OLFM3: variants seen among roughly 807,000 people sequenced by gnomAD.
OLFM3 encodes olfactomedin 3, also known as noelin-3.
OLFM3 carries 20 observed loss-of-function variants against 48.6 expected under a neutral mutation model. The observed-to-expected ratio is 0.41, with a 90% CI of 0.29 to 0.60. The LOEUF (loss-of-function observed/expected upper bound fraction) is 0.60, where lower values mean the gene tolerates loss of function less well. OLFM3 is among the 20% of genes least tolerant of loss of function. The pLI is 0.28. For synonymous variants in OLFM3, 222 were observed against 198.1 expected (o/e 1.12, Z -1.01); for missense variants, 437 against 544.3 (o/e 0.80, Z 1.96).
At chr1:101,845,933 C>G (rs1570556137) in intron 1 of OLFM3, among the ~76,000 whole-genome samples, 1 of 152,190 alleles carries the variant, frequency 6.6e-6, no homozygotes, top group Non-Finnish European at 1.5e-5. Flanking sequence ...CTTTCCATAT[C>G]TGACTTTTTC....
At chr1:101,989,830 C>A (rs1489075651) in intron 1 of OLFM3, among the ~76,000 whole-genome samples, 1 of 152,112 alleles carries the variant, frequency 6.6e-6, no homozygotes, top group African/African-American at 2.4e-5. Context: ...AATTATATTC[C>A]TAAATGCGGT....
intron 1 of OLFM3, among the ~76,000 whole-genome samples, chr1:101,952,869 A>C (rs1387329046): frequency 6.6e-6 from 1 of 151,936 alleles, no homozygotes; most frequent in Non-Finnish European, 1.5e-5. Context: ...GAGACTGACT[A>C]CTCTCATGAT....
At chr1:101,898,712 C>T (rs764644485) in intron 1 of OLFM3, among the ~76,000 whole-genome samples, 6 of 151,824 alleles carry the variant, frequency 4.0e-5, no homozygotes, top group Non-Finnish European at 8.8e-5. Context: ...AGTCAGGCAT[C>T]GTGACATGTG....
intron 1 of OLFM3, among the ~76,000 whole-genome samples, chr1:101,884,512 A>G (rs549531991): frequency 6.6e-6 from 1 of 151,950 alleles, no homozygotes; most frequent in Non-Finnish European, 1.5e-5. Flanking sequence ...ACAAAAAAAA[A>G]CAGACAAAAA....
At chr1:101,844,590 A>G (rs887660614) in intron 1 of OLFM3, among the ~76,000 whole-genome samples, 21 of 152,146 alleles carry the variant, frequency 1.4e-4, no homozygotes, top group African/African-American at 4.1e-4. Flanking sequence ...ATGAGGCTGA[A>G]TTAGATCAGT....
At position 101,804,241 on chromosome 1, in the gene OLFM3, T is replaced by C; in HGVS notation, c.1374A>G (p.Thr458=). ...LFHIIKTEDD[T] is the part of the protein sequence containing the mutation. ...AATGAAAACATGTCACATTTGCCTA[T>C]GTGTCATCCTCTGTCTTGATGATAT... The change falls in exon 6 of 6, where the codon ACA becomes ACG. Residue 458 remains threonine, a synonymous_variant. Coordinates refer to ENST00000370103, the MANE Select transcript of OLFM3 (RefSeq NM_058170.4). This position sits in a 1 kb window ranked among gnomAD's most constrained non-coding sequence, Gnocchi z 4.5. 6.3e-7 allele frequency: 1 copy of C among 1,575,494 alleles called. No homozygotes were observed.
chr1:101,917,647 C>T (rs1439338911), intron 1 of OLFM3, among the ~76,000 whole-genome samples: 1 of 152,150 alleles, frequency 6.6e-6, no homozygotes, highest in African/African-American at 2.4e-5. Flanking sequence ...AAACTCCTGA[C>T]CTCAAGTGAT....
chr1:101,918,846 A>G (rs1659006924), intron 1 of OLFM3, among the ~76,000 whole-genome samples: 1 of 152,212 alleles, frequency 6.6e-6, no homozygotes, highest in Non-Finnish European at 1.5e-5. Context: ...TCCAATATTT[A>G]AGTTGTTTTA....
At chr1:101,808,263 GA>G (rs560490130) in intron 4 of OLFM3, among the ~76,000 whole-genome samples, 1 of 150,884 alleles carries the variant, frequency 6.6e-6, no homozygotes, top group African/African-American at 2.4e-5. Context: ...AACATGAGGG[GA>G]AAAAAACAAA....
At chr1:101,859,671 C>T (rs551743070) in intron 1 of OLFM3, among the ~76,000 whole-genome samples, 1 of 152,182 alleles carries the variant, frequency 6.6e-6, no homozygotes, top group African/African-American at 2.4e-5. Context: ...TGTTGGTATT[C>T]AAAATGTTTT....
In OLFM3 at chr1:101,835,841, C is replaced by A. The variant is rs560745063; in HGVS notation, c.216+1038G>T. Among the ~76,000 whole-genome samples, 4 of 152,240 alleles carry A rather than the reference C, an allele frequency of 2.6e-5. No individual in the cohort carries two copies. The South Asian group carries it at 8.3e-4, about 32-fold the overall frequency. On this transcript the variant is annotated intron_variant, in intron 2 of 5. Coordinates refer to ENST00000370103, the MANE Select transcript of OLFM3 (RefSeq NM_058170.4). The stretch of plus-strand genomic sequence containing the variant: ...TAAGCACATGAAAAAATCCTAAAAT[C>A]TTAGAGCATCAATATACTTGCAAAT...
intron 1 of OLFM3, among the ~76,000 whole-genome samples, chr1:101,913,728 G>T (rs765590893): frequency 6.7e-6 from 1 of 149,168 alleles, no homozygotes; most frequent in Admixed American, 6.7e-5. Flanking sequence ...CTGTCAAAAA[G>T]ACTGATATCC....
intron 1 of OLFM3, among the ~76,000 whole-genome samples, chr1:101,968,428 A>T (rs17125874): frequency 0.027 from 4,137 of 150,864 alleles, 73 homozygotes; most frequent in Admixed American, 0.035. Flanking sequence ...TTTAGTCCAT[A>T]GTGTAGATGA....
intron 1 of OLFM3, among the ~76,000 whole-genome samples, chr1:101,907,448 C>A (rs1658589570): frequency 6.6e-6 from 1 of 152,192 alleles, no homozygotes; most frequent in Non-Finnish European, 1.5e-5. Context: ...CTTACTTGAT[C>A]TTATCTGTGC....
chr1:101,938,887 G>C (rs1192772713), intron 1 of OLFM3, among the ~76,000 whole-genome samples: 1 of 152,156 alleles, frequency 6.6e-6, no homozygotes, highest in Non-Finnish European at 1.5e-5. Context: ...ATCCCAGATG[G>C]TTTGTGTGTC....
chr1:101,959,427 T>C (rs1467069890), intron 1 of OLFM3, among the ~76,000 whole-genome samples: 1 of 151,946 alleles, frequency 6.6e-6, no homozygotes, highest in Non-Finnish European at 1.5e-5. Flanking sequence ...GGCCCACAAC[T>C]TGAGTGCATT....
chr1:101,982,280 A>T (rs1661125261), intron 1 of OLFM3, among the ~76,000 whole-genome samples: 1 of 152,190 alleles, frequency 6.6e-6, no homozygotes, highest in Admixed American at 6.5e-5. Flanking sequence ...AAGCAGAGAC[A>T]ATCACAATGA....
At chr1:101,860,511 TTA>T (rs1656608159) in intron 1 of OLFM3, among the ~76,000 whole-genome samples, 1 of 152,034 alleles carries the variant, frequency 6.6e-6, no homozygotes. Context: ...AGACCCTCTT[TTA>T]TTCTTTTGAT....
intron 1 of OLFM3, among the ~76,000 whole-genome samples, chr1:101,977,959 T>C (rs1661000871): frequency 1.3e-5 from 2 of 152,202 alleles, no homozygotes; most frequent in South Asian, 4.1e-4. Flanking sequence ...TCATGTAAAG[T>C]TGAGTAAGAT....
Sources: gnomAD v4.1 joint callset for allele counts (sites outside exome capture counted in the v4.1 genomes callset) on GRCh38, gnomAD v4.1.1 for gene constraint, Gnocchi (gnomAD v3.1) non-coding constraint, MANE v1.5 for transcripts, NCBI Gene and HGNC (gene_info 2026-07-23, HGNC 2026-07-21) for gene names.